Variants in IGSF11 observed in about 807,000 individuals in gnomAD.
IGSF11 encodes the protein immunoglobulin superfamily member 11, also known as CXADR like 1.
In IGSF11, 22 loss-of-function variants were observed where a neutral mutation model predicts 41.0. The ratio of observed to expected loss-of-function variants is 0.54; its 90% CI spans 0.38 to 0.77. The LOEUF is 0.77. Ranked by LOEUF, IGSF11 falls within the 30% of genes least tolerant of loss-of-function variation. IGSF11 has a pLI of 0.00. For missense variants in IGSF11, 444 were observed against 530.8 expected (o/e 0.84, Z 1.61); for synonymous variants, 219 against 201.3 (o/e 1.09, Z -0.74).
chr3:119,134,116 T>C (rs1018932667), intron 1 of IGSF11, among the ~76,000 whole-genome samples: 5 of 152,198 alleles, frequency 3.3e-5, no homozygotes, highest in Admixed American at 3.3e-4. Flanking sequence ...TCATACTGAA[T>C]GGGCAAAAAC....
intron 1 of IGSF11, among the ~76,000 whole-genome samples, chr3:119,054,505 G>A (rs1052467964): frequency 1.3e-5 from 2 of 152,086 alleles, no homozygotes; most frequent in Non-Finnish European, 2.9e-5. Flanking sequence ...CTGCAAGAAC[G>A]GCCATAATTG....
At chr3:119,004,775 G>C (rs1379992664) in intron 1 of IGSF11, among the ~76,000 whole-genome samples, 1 of 150,828 alleles carries the variant, frequency 6.6e-6, no homozygotes, top group Non-Finnish European at 1.5e-5. Flanking sequence ...GAGCGGCTTT[G>C]AGTGAGATTC....
chr3:119,061,755 G>T lies in IGSF11; in HGVS notation c.49+43389C>A, dbSNP rs186496915. On this transcript the variant is annotated intron_variant, in intron 1 of 6. Transcript: ENST00000354673. ...TAGATTTTATGTATCTATATACGTG[G>T]TTCCTACTAAGATTTAACTATAGTT... is the stretch of plus-strand genomic sequence containing the variant. Among the ~76,000 whole-genome samples, 170 of 147,404 alleles carry T rather than the reference G, an allele frequency of 1.2e-3. 1 individual carries two copies. The highest frequency in any genetic ancestry group is 1.2e-3 in the Non-Finnish European group (78 of 67,352).
intron 1 of IGSF11, among the ~76,000 whole-genome samples, chr3:119,084,494 A>G (rs2076638236): frequency 6.6e-6 from 1 of 152,182 alleles, no homozygotes. Context: ...TGCAGCAAGC[A>G]TGTGTGGGGT....
intron 4 of IGSF11, among the ~76,000 whole-genome samples, chr3:118,924,931 A>T (rs1942157909): frequency 6.6e-6 from 1 of 152,198 alleles, no homozygotes; most frequent in African/African-American, 2.4e-5. Context: ...CAGTATGTCA[A>T]GACAAGGGCT....
intron 1 of IGSF11, among the ~76,000 whole-genome samples, chr3:118,940,198 GA>G (rs1316538763): frequency 6.6e-6 from 1 of 152,058 alleles, no homozygotes; most frequent in Non-Finnish European, 1.5e-5. Context: ...AATAAGGCAA[GA>G]ATAAGAATTA....
intron 4 of IGSF11, among the ~76,000 whole-genome samples, chr3:118,911,186 T>C (rs962666005): frequency 1.3e-5 from 2 of 152,004 alleles, no homozygotes; most frequent in African/African-American, 2.4e-5. Flanking sequence ...GTTATAACTG[T>C]TGACATTTAA....
intron 1 of IGSF11, among the ~76,000 whole-genome samples, chr3:118,953,237 A>G (rs906589765): frequency 1.3e-5 from 2 of 151,952 alleles, no homozygotes; most frequent in Admixed American, 1.3e-4. Flanking sequence ...AACGCTTTTT[A>G]TGGCTATTAT....
chr3:119,075,067 G>A (rs1246254434), intron 1 of IGSF11, among the ~76,000 whole-genome samples: 2 of 152,018 alleles, frequency 1.3e-5, no homozygotes, highest in South Asian at 4.1e-4. Context: ...AAAAGAATAA[G>A]TAAGATAGAT....
intron 1 of IGSF11, among the ~76,000 whole-genome samples, chr3:119,067,363 G>T (rs1014578509): frequency 1.3e-5 from 2 of 152,104 alleles, no homozygotes; most frequent in Non-Finnish European, 2.9e-5. Context: ...CCATTCTTCA[G>T]TTCTAGCAAA....
intron 1 of IGSF11, among the ~76,000 whole-genome samples, chr3:118,979,035 G>T (rs867138643): frequency 7.5e-4 from 114 of 151,906 alleles, no homozygotes; most frequent in African/African-American, 2.5e-3. Context: ...ACAATACAAA[G>T]AAATCAGAAA....
chr3:119,053,242 A>G (rs1258262756), intron 1 of IGSF11, among the ~76,000 whole-genome samples: 1 of 152,090 alleles, frequency 6.6e-6, no homozygotes, highest in Non-Finnish European at 1.5e-5. Flanking sequence ...TTCTAGGTAT[A>G]GATCATATAC....
chr3:118,968,089 AT>A (rs1357141189), intron 1 of IGSF11, among the ~76,000 whole-genome samples: 1 of 152,246 alleles, frequency 6.6e-6, no homozygotes, highest in African/African-American at 2.4e-5. Context: ...GCCATCTGAG[AT>A]TTTTAAAAAC....
intron 1 of IGSF11, among the ~76,000 whole-genome samples, chr3:119,134,170 T>TCTCTCACCA (rs550031192): frequency 0.048 from 7,329 of 152,132 alleles, 218 homozygotes; most frequent in South Asian, 0.094. Flanking sequence ...AAGGATGCCC[T>TCTCTCACCA]CTCTCACCAC....
intron 1 of IGSF11, among the ~76,000 whole-genome samples, chr3:119,063,233 T>G (rs1242390152): frequency 6.6e-6 from 1 of 152,162 alleles, no homozygotes; most frequent in Non-Finnish European, 1.5e-5. Flanking sequence ...GAGTTCTGAA[T>G]GGGCCTGTAA....
At chr3:119,116,198 A>G (rs77636156) in intron 1 of IGSF11, among the ~76,000 whole-genome samples, 4,096 of 152,296 alleles carry the variant, frequency 0.027, 174 homozygotes, top group African/African-American at 0.093. Flanking sequence ...GGTGGGCATC[A>G]TGCAATCCAT....
chr3:119,123,890 G>A (rs557191900), intron 1 of IGSF11, among the ~76,000 whole-genome samples: 1 of 152,284 alleles, frequency 6.6e-6, no homozygotes, highest in South Asian at 2.1e-4. Context: ...TGAAAAGGAT[G>A]GGTACAAATA....
At chr3:118,988,140 A>G (rs1006360596) in intron 1 of IGSF11, among the ~76,000 whole-genome samples, 3 of 152,244 alleles carry the variant, frequency 2.0e-5, no homozygotes, top group Admixed American at 1.3e-4. Flanking sequence ...AAGATGAATA[A>G]GGTATCTTTG....
At chr3:119,109,874 T>C (rs2077114488), upstream of IGSF11, among the ~76,000 whole-genome samples, 1 of 152,212 alleles carries the variant, frequency 6.6e-6, no homozygotes, top group African/African-American at 2.4e-5. Flanking sequence ...GAGCAGGTTG[T>C]TCAGTTTCCA....
Sources: gnomAD v4.1 joint callset for allele counts (sites outside exome capture counted in the v4.1 genomes callset) on GRCh38, gnomAD v4.1.1 for gene constraint, MANE v1.5 for transcripts, NCBI Gene and HGNC (gene_info 2026-07-23, HGNC 2026-07-21) for gene names.